The following NCOA1 variants were observed in gnomAD, a reference collection of about 807,000 sequenced individuals.
The protein encoded by NCOA1 is Hin-2 protein.
NCOA1 carries 35 observed loss-of-function variants against 150.9 expected under a neutral mutation model. The observed-to-expected ratio is 0.23, with a 90% CI of 0.18 to 0.31. The LOEUF (loss-of-function observed/expected upper bound fraction) is 0.31, where lower values mean the gene tolerates loss of function less well. NCOA1 is among the 10% of genes least tolerant of loss of function. The pLI, the probability that NCOA1 is intolerant of heterozygous loss-of-function variation, is 1.00. For missense variants in NCOA1, 1,491 were observed against 1,749.3 expected (o/e 0.85, Z 2.63); for synonymous variants, 590 against 630.0 (o/e 0.94, Z 0.95).
chr2:24,637,681 TTTTTG>T (rs767182525), intron 3 of NCOA1, among the ~76,000 whole-genome samples: 14 of 151,622 alleles, frequency 9.2e-5, no homozygotes, highest in African/African-American at 2.7e-4. Context: ...TATTGGGGGT[TTTTTG>T]TTTTGTTTTG....
At chr2:24,685,593 G>T (rs1306848804) in intron 8 of NCOA1, among the ~76,000 whole-genome samples, 1 of 152,174 alleles carries the variant, frequency 6.6e-6, no homozygotes, top group Non-Finnish European at 1.5e-5. Context: ...AGCCTTTCTG[G>T]TATAAAATAG....
intron 6 of NCOA1, among the ~76,000 whole-genome samples, chr2:24,669,757 A>G (rs1241305632): frequency 1.3e-5 from 2 of 152,242 alleles, no homozygotes; most frequent in Admixed American, 6.5e-5. Context: ...AGCACATGAA[A>G]AAGATGCCCA....
chr2:24,739,803 T>G (rs1172226969), intron 18 of NCOA1, among the ~76,000 whole-genome samples: 9 of 152,176 alleles, frequency 5.9e-5, no homozygotes, highest in Admixed American at 5.9e-4. Flanking sequence ...CTCTTATTTC[T>G]GTAGCGAATA....
At chr2:24,592,264 C>T (rs545235963) in intron 3 of NCOA1, among the ~76,000 whole-genome samples, 1 of 152,266 alleles carries the variant, frequency 6.6e-6, no homozygotes, top group East Asian at 1.9e-4. Flanking sequence ...ACCTTGTGCT[C>T]TTAATTTTTT....
intron 3 of NCOA1, among the ~76,000 whole-genome samples, chr2:24,642,633 G>T (rs997136672): frequency 6.6e-6 from 1 of 152,092 alleles, no homozygotes; most frequent in East Asian, 1.9e-4. Flanking sequence ...ACAGTCCTGG[G>T]CATTGAAATG....
chr2:24,597,935 C>G (rs758162425), intron 3 of NCOA1, among the ~76,000 whole-genome samples: 8 of 152,120 alleles, frequency 5.3e-5, no homozygotes, highest in Non-Finnish European at 1.2e-4. Flanking sequence ...CATTTCCCCC[C>G]TCCCCACAAC....
intron 1 of NCOA1, chr2:24,554,549 C>A (rs1306692250): frequency 6.6e-6 from 1 of 152,104 alleles, no homozygotes; most frequent in East Asian, 1.9e-4. Flanking sequence ...TTTGCTAACA[C>A]CCCTTTGGGC....
chr2:24,665,234 T>C (rs1434411465), intron 5 of NCOA1, among the ~76,000 whole-genome samples: 2 of 152,090 alleles, frequency 1.3e-5, no homozygotes, highest in Non-Finnish European at 1.5e-5. Flanking sequence ...ATTTTGCCTT[T>C]GAATGGATAC....
intron 1 of NCOA1, among the ~76,000 whole-genome samples, chr2:24,555,092 C>T (rs1216637321): frequency 6.6e-6 from 1 of 152,164 alleles, no homozygotes; most frequent in Non-Finnish European, 1.5e-5. Flanking sequence ...GAAAACAGCT[C>T]TCTCTCTAGT....
rs942145000 is a variant in NCOA1, at chr2:24,642,037, T to TGTGTGTGTGTGTGTGTGCGCGCGC, written c.-174-1928_-174-1927insTGTGTGTGTGTGTGTGCGCGCGCG. Reference sequence around the variant, plus strand: ...GTGTGTGTGTGTGTGTGTGTGTGTGTGCGCGCGTGCGTATGTGTGTGTGTA... The same window carrying TGTGTGTGTGTGTGTGTGCGCGCGC: ...GTGTGTGTGTGTGTGTGTGTGTGTGTGTGTGTGTGTGTGTGTGCGCGCGCGCGCGCGTGCGTATGTGTGTGTGTA... On this transcript the variant is annotated intron_variant, in intron 3 of 22. Coordinates refer to ENST00000348332, the MANE Select transcript of NCOA1 (RefSeq NM_003743.5). Among the ~76,000 whole-genome samples the TGTGTGTGTGTGTGTGTGCGCGCGC allele has an allele frequency of 1.7e-3, 239 of 138,552 alleles. 1 individual carries two copies. The highest frequency in any genetic ancestry group is 5.9e-3 in the African/African-American group (230 of 39,152). The allele number at this position is 138,552 out of a possible 152,430, so 90.9% of individuals were successfully genotyped here.
chr2:24,600,800 CTCTCATAGTAAATATCT>C (rs1462022470), intron 3 of NCOA1, among the ~76,000 whole-genome samples: 2 of 152,204 alleles, frequency 1.3e-5, no homozygotes, highest in Non-Finnish European at 2.9e-5. Context: ...ACTATTATTA[CTCTCATAGTAAATATCT>C]TCTTTGGATT....
intron 1 of NCOA1, among the ~76,000 whole-genome samples, chr2:24,549,769 A>G (rs371806401): frequency 1.6e-4 from 25 of 152,078 alleles, no homozygotes; most frequent in East Asian, 1.2e-3. Flanking sequence ...ACAGGGTTTC[A>G]CCGTGTTAAC....
At chr2:24,677,275 CAG>C (rs1233080820) in intron 7 of NCOA1, among the ~76,000 whole-genome samples, 1 of 152,116 alleles carries the variant, frequency 6.6e-6, no homozygotes, top group Non-Finnish European at 1.5e-5. Context: ...ACCCGGGAGG[CAG>C]AGGTTCCAGT....
At chr2:24,574,083 G>A (rs1289346128) in intron 2 of NCOA1, among the ~76,000 whole-genome samples, 2 of 151,764 alleles carry the variant, frequency 1.3e-5, no homozygotes, top group African/African-American at 4.8e-5. Flanking sequence ...TACTTCTTAG[G>A]GTTGAAAAAC....
At chr2:24,640,862 AG>A (rs1317359378) in intron 3 of NCOA1, among the ~76,000 whole-genome samples, 1 of 152,148 alleles carries the variant, frequency 6.6e-6, no homozygotes, top group Admixed American at 6.6e-5. Context: ...TCTTATTGAC[AG>A]CATATAGTGT....
intron 1 of NCOA1, among the ~76,000 whole-genome samples, chr2:24,494,348 T>C (rs1435050270): frequency 6.6e-6 from 1 of 152,192 alleles, no homozygotes; most frequent in Non-Finnish European, 1.5e-5. Flanking sequence ...CTACCTCTGT[T>C]CCGTACTTTA....
chr2:24,738,537 A>T (rs2148658543), intron 17 of NCOA1, among the ~76,000 whole-genome samples: 1 of 152,338 alleles, frequency 6.6e-6, no homozygotes, highest in Admixed American at 6.5e-5. Context: ...CTTCCAAACC[A>T]GTATTCACAG....
At chr2:24,543,449 G>A (rs1665481967) in intron 1 of NCOA1, among the ~76,000 whole-genome samples, 1 of 152,146 alleles carries the variant, frequency 6.6e-6, no homozygotes, top group Non-Finnish European at 1.5e-5. Flanking sequence ...CAAGTTTTAA[G>A]ATGAGTTTTG....
chr2:24,584,243 A>G (rs1358670422), intron 2 of NCOA1, among the ~76,000 whole-genome samples: 13 of 152,218 alleles, frequency 8.5e-5, no homozygotes, highest in African/African-American at 1.4e-4. Flanking sequence ...TTAATTATCT[A>G]TATTCCATTT....
Sources: allele counts gnomAD v4.1 joint callset (sites outside exome capture counted in the v4.1 genomes callset), GRCh38; gene constraint gnomAD v4.1.1; transcripts MANE v1.5; gene names NCBI Gene and HGNC (gene_info 2026-07-23, HGNC 2026-07-21).